GLIS1: variants seen among roughly 807,000 people sequenced by gnomAD.
GLIS1 encodes the protein GLIS family zinc finger 1.
Under a neutral mutation model 63.8 loss-of-function variants are expected in GLIS1, and 24 were observed. That is an observed-to-expected ratio of 0.38 (90% CI 0.27 to 0.53). The LOEUF is 0.53. GLIS1 is among the 20% of genes least tolerant of loss of function. The probability of loss-of-function intolerance (pLI) is 0.85; values close to 1 mark genes in which losing one functional copy is unlikely to be tolerated. For synonymous variants in GLIS1, 450 were observed against 482.5 expected (o/e 0.93, Z 0.88); for missense variants, 1,036 against 1,074.1 (o/e 0.96, Z 0.50).
intron 2 of GLIS1, among the ~76,000 whole-genome samples, chr1:53,632,989 ATGAG>A (rs1645679749): frequency 9.0e-6 from 1 of 111,028 alleles, no homozygotes; most frequent in South Asian, 3.4e-4. Flanking sequence ...GGGTGTGTGA[ATGAG>A]TGTGACTGAG....
At chr1:53,559,829 C>A (rs114376307) in intron 4 of GLIS1, among the ~76,000 whole-genome samples, 2 of 152,104 alleles carry the variant, frequency 1.3e-5, no homozygotes, top group Non-Finnish European at 2.9e-5. Flanking sequence ...ATCTACATCC[C>A]CCCCAGTCAT....
chr1:53,640,369 A>T (rs1569968832), intron 2 of GLIS1, among the ~76,000 whole-genome samples: 1 of 124,402 alleles, frequency 8.0e-6, no homozygotes, highest in Non-Finnish European at 1.9e-5. Context: ...GGAGGAATAT[A>T]AAAAGGCTGG....
At chr1:53,654,678 G>T (rs1009724627) in intron 2 of GLIS1, among the ~76,000 whole-genome samples, 5 of 152,212 alleles carry the variant, frequency 3.3e-5, no homozygotes, top group Non-Finnish European at 7.3e-5. Flanking sequence ...ACACATCAGG[G>T]AGGAGGGAGC....
chr1:53,590,136 G>C (rs1018296697), intron 4 of GLIS1, among the ~76,000 whole-genome samples: 4 of 152,170 alleles, frequency 2.6e-5, no homozygotes, highest in African/African-American at 9.7e-5. Context: ...GAGTGTGATG[G>C]GGAAGCAAGC....
At chr1:53,715,485 A>C (rs2100535661) in intron 2 of GLIS1, among the ~76,000 whole-genome samples, 1 of 152,312 alleles carries the variant, frequency 6.6e-6, no homozygotes, top group East Asian at 1.9e-4. Context: ...GGGCGGACAG[A>C]GGGCTTTCAA....
intron 7 of GLIS1, 149 bp downstream of exon 7, chr1:53,520,485 A>G (rs1192224732): frequency 2.4e-6 from 2 of 834,594 alleles, no homozygotes; most frequent in Non-Finnish European, 3.5e-6. Context: ...AGGGAACCAG[A>G]GGCAGAGGCA....
At chr1:53,575,525 T>A (rs889858453) in intron 4 of GLIS1, among the ~76,000 whole-genome samples, 1 of 152,200 alleles carries the variant, frequency 6.6e-6, no homozygotes, top group Non-Finnish European at 1.5e-5. Flanking sequence ...GGGGCCCTAG[T>A]GTCCAAGTCC....
At chr1:53,659,881 G>A (rs1164890948) in intron 2 of GLIS1, among the ~76,000 whole-genome samples, 1 of 152,176 alleles carries the variant, frequency 6.6e-6, no homozygotes, top group African/African-American at 2.4e-5. Flanking sequence ...TGCTTCAAGG[G>A]CTCAATAAAG....
chr1:53,589,815 C>T (rs1008267064), intron 4 of GLIS1, among the ~76,000 whole-genome samples: 2 of 152,194 alleles, frequency 1.3e-5, no homozygotes, highest in Non-Finnish European at 2.9e-5. Flanking sequence ...GCTCCATGCC[C>T]CCTGAGCAGA....
chr1:53,586,636 T>C (rs910458629), intron 4 of GLIS1, among the ~76,000 whole-genome samples: 15 of 152,236 alleles, frequency 9.9e-5, no homozygotes, highest in African/African-American at 3.1e-4. Flanking sequence ...CCGAGGCTTA[T>C]AGAAGTCAAG....
chr1:53,601,432 A>G (rs1290030614), intron 2 of GLIS1, among the ~76,000 whole-genome samples: 2 of 152,228 alleles, frequency 1.3e-5, no homozygotes, highest in African/African-American at 2.4e-5. Context: ...GCCAACCCTG[A>G]GAAAGATAAA....
At chr1:53,733,874 G>C in intron 2 of GLIS1, 1 of 975,718 alleles carries the variant, frequency 1.0e-6, no homozygotes, top group Non-Finnish European at 1.2e-6. Context: ...CGGAGCCGGA[G>C]GGGAGAAATG....
chr1:53,582,323 C>T (rs1473775183), intron 4 of GLIS1, among the ~76,000 whole-genome samples: 4 of 152,220 alleles, frequency 2.6e-5, no homozygotes, highest in Non-Finnish European at 5.9e-5. Context: ...AGTCATCACA[C>T]CTTCCCAATG....
chr1:53,694,092 G>A (rs1251492268), intron 2 of GLIS1, among the ~76,000 whole-genome samples: 1 of 152,242 alleles, frequency 6.6e-6, no homozygotes, highest in Non-Finnish European at 1.5e-5. Context: ...GGTGCCCAGT[G>A]CTGCATGGAG....
intron 2 of GLIS1, among the ~76,000 whole-genome samples, chr1:53,703,101 T>C (rs896679669): frequency 1.4e-4 from 21 of 152,198 alleles, no homozygotes; most frequent in Admixed American, 2.6e-4. Flanking sequence ...ATGTAAAAAC[T>C]TACCCCATCC....
intron 2 of GLIS1, among the ~76,000 whole-genome samples, chr1:53,608,259 C>G (rs757903404): frequency 1.3e-5 from 2 of 152,188 alleles, no homozygotes; most frequent in Non-Finnish European, 2.9e-5. Context: ...CACTGCCCAG[C>G]CTGGTGTCTC....
chr1:53,576,633 C>A (rs192545831), intron 4 of GLIS1, among the ~76,000 whole-genome samples: 27 of 152,286 alleles, frequency 1.8e-4, no homozygotes, highest in Non-Finnish European at 3.1e-4. Flanking sequence ...TGGTATAAAC[C>A]CTGAGCAAAA....
At chr1:53,738,593 A>G (rs1646936144) in intron 1 of GLIS1, among the ~76,000 whole-genome samples, 1 of 152,024 alleles carries the variant, frequency 6.6e-6, no homozygotes, top group Non-Finnish European at 1.5e-5. Context: ...GAAGCTGGGG[A>G]CCCGAACCCA....
chr1:53,561,463 T>C (rs1220894976), intron 4 of GLIS1, among the ~76,000 whole-genome samples: 3 of 152,242 alleles, frequency 2.0e-5, no homozygotes, highest in Non-Finnish European at 4.4e-5. Context: ...AAACAGGCAC[T>C]GTATGTCTTT....
Sources: gnomAD v4.1 joint callset for allele counts (sites outside exome capture counted in the v4.1 genomes callset) on GRCh38, gnomAD v4.1.1 for gene constraint, MANE v1.5 for transcripts, NCBI Gene and HGNC (gene_info 2026-07-23, HGNC 2026-07-21) for gene names.